The following RBFOX1 variants were observed in gnomAD, a reference collection of about 807,000 sequenced individuals.
RBFOX1 encodes RNA binding fox-1 homolog 1, also known as RNA binding protein fox-1 homolog 1.
A neutral mutation model predicts 57.7 loss-of-function variants in RBFOX1; 8 were observed. The observed-to-expected ratio is 0.14, with a 90% confidence interval of 0.08 to 0.25. The LOEUF (loss-of-function observed/expected upper bound fraction) is 0.25, where lower values mean the gene tolerates loss of function less well. Ranked by LOEUF, RBFOX1 falls within the 10% of genes least tolerant of loss-of-function variation. The pLI, the probability that RBFOX1 is intolerant of heterozygous loss-of-function variation, is 1.00. For synonymous variants in RBFOX1, 326 were observed against 222.4 expected (o/e 1.47, Z -4.15); for missense variants, 611 against 548.5 (o/e 1.11, Z -1.14).
intron 4 of RBFOX1, among the ~76,000 whole-genome samples, chr16:7,088,926 A>C (rs972720417): frequency 6.6e-6 from 1 of 152,154 alleles, no homozygotes; most frequent in African/African-American, 2.4e-5. Flanking sequence ...GCTTCCCTCC[A>C]GTCCCTGCTC....
intron 3 of RBFOX1, among the ~76,000 whole-genome samples, chr16:7,051,453 CT>C (rs1272055897): frequency 1.3e-5 from 2 of 152,224 alleles, no homozygotes; most frequent in African/African-American, 4.8e-5. Flanking sequence ...CTAATACCCA[CT>C]TTCCTATCTG....
At chr16:6,640,426 T>C (rs1349309566) in intron 2 of RBFOX1, among the ~76,000 whole-genome samples, 1 of 151,960 alleles carries the variant, frequency 6.6e-6, no homozygotes, top group Admixed American at 6.6e-5. Context: ...CTGGCCAACA[T>C]GGTCAAACCC....
At chr16:7,312,632 C>A (rs1481190233) in intron 4 of RBFOX1, among the ~76,000 whole-genome samples, 2 of 152,084 alleles carry the variant, frequency 1.3e-5, no homozygotes, top group Non-Finnish European at 2.9e-5. Context: ...GCTTGTGTCA[C>A]TGGATTGTAA....
intron 2 of RBFOX1, among the ~76,000 whole-genome samples, chr16:5,493,529 G>A (rs79426770): frequency 0.048 from 7,279 of 152,324 alleles, 356 homozygotes; most frequent in African/African-American, 0.13. Flanking sequence ...AAAACTTTGC[G>A]AAGTCCCTGT....
At chr16:6,703,434 A>G (rs927542647) in intron 3 of RBFOX1, among the ~76,000 whole-genome samples, 1 of 151,904 alleles carries the variant, frequency 6.6e-6, no homozygotes, top group East Asian at 1.9e-4. Flanking sequence ...AATATTAGCC[A>G]GGTATCGTGG....
chr16:6,450,529 C>T (rs2094567569), intron 2 of RBFOX1, among the ~76,000 whole-genome samples: 1 of 151,064 alleles, frequency 6.6e-6, no homozygotes, highest in African/African-American at 2.4e-5. Flanking sequence ...TTGGCCTCTA[C>T]CCAGCCAACA....
chr16:6,663,037 A>T (rs965594142), intron 3 of RBFOX1, among the ~76,000 whole-genome samples: 1 of 152,144 alleles, frequency 6.6e-6, no homozygotes, highest in African/African-American at 2.4e-5. Context: ...TCTTGTTTGC[A>T]TTTTGTAAGT....
intron 4 of RBFOX1, among the ~76,000 whole-genome samples, chr16:7,053,697 G>C (rs1028409683): frequency 1.3e-5 from 2 of 152,242 alleles, no homozygotes; most frequent in African/African-American, 2.4e-5. Context: ...GTGTGGTTTA[G>C]GTTCAAGAAT....
rs371843517 is a variant in RBFOX1, at chr16:7,152,772, C to A, written c.27+100674C>A. Among the ~76,000 whole-genome samples, 11 of 152,220 alleles carry A rather than the reference C, an allele frequency of 7.2e-5. No homozygotes were observed. In the East Asian group the frequency reaches 2.1e-3, roughly 29 times the overall value. ...AATTGTTCCTAATGGGGTCCAGGTA[C>A]GATATTTTATGTCTAAGCATGGTGG... On this transcript the variant is annotated intron_variant, in intron 4 of 15. Coordinates refer to ENST00000550418, the MANE Select transcript of RBFOX1 (RefSeq NM_018723.4).
chr16:6,440,470 G>A (rs965347430), intron 2 of RBFOX1, among the ~76,000 whole-genome samples: 3 of 152,102 alleles, frequency 2.0e-5, no homozygotes, highest in Admixed American at 1.3e-4. Context: ...TTTAGGCTGA[G>A]AAATTAGGAA....
At chr16:7,550,041 C>A (rs1362707680) in intron 5 of RBFOX1, among the ~76,000 whole-genome samples, 1 of 152,064 alleles carries the variant, frequency 6.6e-6, no homozygotes, top group Admixed American at 6.5e-5. Context: ...GCGATTGTCC[C>A]ACCTCAGCCT....
chr16:7,550,607 C>T (rs956408179), intron 5 of RBFOX1, among the ~76,000 whole-genome samples: 72 of 152,204 alleles, frequency 4.7e-4, no homozygotes, highest in Middle Eastern at 3.4e-3. Flanking sequence ...AAAAAGGATT[C>T]TCATTTTTAA....
chr16:5,790,873 T>C (rs1298927315), intron 3 of RBFOX1, among the ~76,000 whole-genome samples: 45 of 131,834 alleles, frequency 3.4e-4, no homozygotes, highest in Middle Eastern at 3.9e-3. Flanking sequence ...TTTTTTTTTT[T>C]GTTTTTTTTT....
At chr16:6,948,128 A>G (rs932408682) in intron 3 of RBFOX1, among the ~76,000 whole-genome samples, 1 of 152,054 alleles carries the variant, frequency 6.6e-6, no homozygotes, top group Non-Finnish European at 1.5e-5. Flanking sequence ...AGAAAACAAT[A>G]CAAAATAGAA....
intron 3 of RBFOX1, among the ~76,000 whole-genome samples, chr16:6,767,935 T>TAAGAAGAAGAAGAAGAAGAAGAAGAAG (rs1423679473): frequency 3.2e-5 from 3 of 93,268 alleles, no homozygotes; most frequent in African/African-American, 1.8e-4. Flanking sequence ...ATAATAATAA[T>TAAGAAGAAGAAGAAGAAGAAGAAGAAG]AATAATAATA....
At chr16:7,485,029 G>C (rs952092257) in intron 4 of RBFOX1, among the ~76,000 whole-genome samples, 2 of 149,528 alleles carry the variant, frequency 1.3e-5, no homozygotes, top group African/African-American at 4.9e-5. Flanking sequence ...ATCAAAATTT[G>C]TATGCAGGGT....
At chr16:5,784,511 T>C (rs180678616) in intron 3 of RBFOX1, among the ~76,000 whole-genome samples, 25 of 152,190 alleles carry the variant, frequency 1.6e-4, no homozygotes, top group Admixed American at 1.3e-3. Context: ...TACACACTTT[T>C]AAACAACCAT....
chr16:5,840,803 A>T lies in RBFOX1; in HGVS notation c.319-26500A>T, dbSNP rs1001717287. ...GTGAGTTCCCTATCATGGAAAACAC[A>T]CAGACAAAACCTAGGGGAACCACTC... On this transcript the variant is annotated intron_variant, in intron 3 of 19. Coordinates refer to the RBFOX1 transcript ENST00000641259. Among the ~76,000 whole-genome samples the T allele has an allele frequency of 2.0e-5, 3 of 152,192 alleles. No individual in the cohort carries two copies. In the East Asian group the frequency reaches 5.8e-4, roughly 29 times the overall value.
At chr16:5,410,047 C>CAA (rs57923211) in intron 1 of RBFOX1, among the ~76,000 whole-genome samples, 10 of 114,908 alleles carry the variant, frequency 8.7e-5, no homozygotes, top group African/African-American at 2.2e-4. Flanking sequence ...GACTCCATCT[C>CAA]AAAAAAAAAA....
Sources: allele counts gnomAD v4.1 joint callset (sites outside exome capture counted in the v4.1 genomes callset), GRCh38; gene constraint gnomAD v4.1.1; transcripts MANE v1.5; gene names NCBI Gene and HGNC (gene_info 2026-07-23, HGNC 2026-07-21).